Variants in SLC14A2 observed in about 807,000 individuals in gnomAD.
SLC14A2 encodes urea transporter 2.
A neutral mutation model predicts 104.6 loss-of-function variants in SLC14A2; 91 were observed. The observed-to-expected ratio is 0.87, with a 90% CI of 0.73 to 1.04. SLC14A2 has a LOEUF of 1.04. Among genes scored for constraint, SLC14A2 ranks in the 50% least tolerant of loss-of-function variants. The pLI is 0.00. For synonymous variants in SLC14A2, 476 were observed against 466.4 expected, an observed-to-expected ratio of 1.02 and a Z score of -0.27; for missense variants, 1,189 against 1,156.0, an observed-to-expected ratio of 1.03 and a Z score of -0.41.
chr18:45,470,722 C>G (rs1173284484), intron 1 of SLC14A2, among the ~76,000 whole-genome samples: 2 of 152,060 alleles, frequency 1.3e-5, no homozygotes, highest in African/African-American at 4.8e-5. Flanking sequence ...TCTTCTGTAG[C>G]CTCTCATTTT....
intron 2 of SLC14A2, among the ~76,000 whole-genome samples, chr18:45,605,250 C>A (rs1408329114): frequency 6.6e-6 from 1 of 152,132 alleles, no homozygotes; most frequent in African/African-American, 2.4e-5. Context: ...TCCTTCTTAA[C>A]CTCTGAATAA....
chr18:45,197,227 T>C, the SLC14A2 span, among the ~76,000 whole-genome samples: 11 of 152,350 alleles, frequency 7.2e-5, no homozygotes, highest in East Asian at 9.6e-4. Context: ...TCTAAATACA[T>C]AATTATATTT....
chr18:45,295,437 G>T (rs1599651500), intron 1 of SLC14A2, among the ~76,000 whole-genome samples: 1 of 152,014 alleles, frequency 6.6e-6, no homozygotes, highest in Non-Finnish European at 1.5e-5. Context: ...TTGTCATATG[G>T]CTGCCCAAGG....
At position 45,542,844 on chromosome 18, in the gene SLC14A2, G is replaced by T. The variant is rs372256535; in HGVS notation, c.-35+59522G>T. On this transcript the variant is annotated intron_variant, in intron 2 of 20. Coordinates refer to the SLC14A2 transcript ENST00000586448. ...CACTACCCTCAAGGAGTTGGATGTGGCCTCTTATCCCTGGGCTGTTATTTA... is the reference window on the plus strand; with the variant it reads ...CACTACCCTCAAGGAGTTGGATGTGTCCTCTTATCCCTGGGCTGTTATTTA... Among the ~76,000 whole-genome samples the T allele has an allele frequency of 3.9e-5, 6 of 152,018 alleles. No individual in the cohort carries two copies. In the South Asian group the frequency reaches 1.3e-3, roughly 32 times the overall value.
In SLC14A2 at chr18:45,423,361, C is replaced by T. The variant is rs978185959; in HGVS notation, c.-124-59872C>T. ...AGAAATCTCTGCGACAGTTTGACAGCGAGTTCATAGTCCTGTCCTGGGGAG... is the reference window on the plus strand; with the variant it reads ...AGAAATCTCTGCGACAGTTTGACAGTGAGTTCATAGTCCTGTCCTGGGGAG... On this transcript the variant is annotated intron_variant, in intron 1 of 20. Transcript: ENST00000586448. Among the ~76,000 whole-genome samples, 7 of 152,200 alleles carry T rather than the reference C, an allele frequency of 4.6e-5. No individual in the cohort carries two copies. In the South Asian group the frequency reaches 6.2e-4, roughly 14 times the overall value.
intron 1 of SLC14A2, among the ~76,000 whole-genome samples, chr18:45,242,150 T>G (rs2084324399): frequency 6.6e-6 from 1 of 152,128 alleles, no homozygotes; most frequent in African/African-American, 2.4e-5. Flanking sequence ...GAATAATTCC[T>G]GGGGGTTTGG....
At chr18:45,682,112 TG>T (rs2046318278) in intron 19 of SLC14A2, among the ~76,000 whole-genome samples, 1 of 152,222 alleles carries the variant, frequency 6.6e-6, no homozygotes, top group Non-Finnish European at 1.5e-5. Flanking sequence ...GGGTTCCCAG[TG>T]GCTGCATTTT....
chr18:45,668,240 T>C, intron 14 of SLC14A2, 109 bp from the exon 15 acceptor site: 1 of 1,442,618 alleles, frequency 6.9e-7, no homozygotes, highest in Non-Finnish European at 9.5e-7. Context: ...GGTGGTCTAT[T>C]TGAAGGCGTG....
At chr18:45,431,806 T>C (rs187106900) in intron 1 of SLC14A2, among the ~76,000 whole-genome samples, 1 of 152,294 alleles carries the variant, frequency 6.6e-6, no homozygotes, top group African/African-American at 2.4e-5. Context: ...AAGGGGCCCA[T>C]GGTAGCCAAT....
At chr18:45,280,335 G>A (rs1342073164) in intron 1 of SLC14A2, among the ~76,000 whole-genome samples, 1 of 152,152 alleles carries the variant, frequency 6.6e-6, no homozygotes, top group Non-Finnish European at 1.5e-5. Context: ...AGTTCAGACA[G>A]GAGAGATCAG....
intron 1 of SLC14A2, among the ~76,000 whole-genome samples, chr18:45,258,943 C>T (rs1019330972): frequency 2.6e-5 from 4 of 152,192 alleles, no homozygotes; most frequent in African/African-American, 7.2e-5. Context: ...CTCTACATCA[C>T]CTCAGAGAAG....
intron 1 of SLC14A2, among the ~76,000 whole-genome samples, chr18:45,266,172 C>G (rs1241427809): frequency 6.6e-6 from 1 of 152,072 alleles, no homozygotes; most frequent in Non-Finnish European, 1.5e-5. Context: ...TGCTGTGCAT[C>G]CTGAGGAGTG....
intron 2 of SLC14A2, among the ~76,000 whole-genome samples, chr18:45,588,773 T>C (rs2044605149): frequency 6.6e-6 from 1 of 152,174 alleles, no homozygotes; most frequent in African/African-American, 2.4e-5. Flanking sequence ...CCAGAGGTGG[T>C]TTAGCCTCAC....
chr18:45,650,495 T>A (rs1407669287), intron 10 of SLC14A2, among the ~76,000 whole-genome samples: 1 of 152,186 alleles, frequency 6.6e-6, no homozygotes, highest in Non-Finnish European at 1.5e-5. Flanking sequence ...GTCTGCCTCA[T>A]GGTCTAACCT....
intron 1 of SLC14A2, among the ~76,000 whole-genome samples, chr18:45,222,077 T>C (rs1392135820): frequency 6.6e-6 from 1 of 152,184 alleles, no homozygotes; most frequent in Non-Finnish European, 1.5e-5. Flanking sequence ...GTTCTCTTAA[T>C]AGAGTTTAAC....
chr18:45,443,283 A>T (rs547229791), intron 1 of SLC14A2, among the ~76,000 whole-genome samples: 1 of 152,322 alleles, frequency 6.6e-6, no homozygotes, highest in African/African-American at 2.4e-5. Flanking sequence ...CAAAATGAAG[A>T]CCCAAAGATG....
intron 1 of SLC14A2, among the ~76,000 whole-genome samples, chr18:45,451,267 G>C (rs1045088741): frequency 6.6e-6 from 1 of 152,050 alleles, no homozygotes; most frequent in African/African-American, 2.4e-5. Context: ...CTTGCTGAAA[G>C]CCTGTCCCTA....
the SLC14A2 span, among the ~76,000 whole-genome samples, chr18:45,194,016 A>G: frequency 6.7e-6 from 1 of 149,484 alleles, no homozygotes; most frequent in Non-Finnish European, 1.5e-5. Flanking sequence ...ATTATTTGGT[A>G]ATAGATAGAA....
intron 1 of SLC14A2, among the ~76,000 whole-genome samples, chr18:45,396,641 TC>T (rs2086035587): frequency 6.1e-5 from 9 of 148,328 alleles, no homozygotes; most frequent in East Asian, 1.9e-4. Flanking sequence ...TTGTTTTTTT[TC>T]TTTTTTCCCT....
Sources: allele counts gnomAD v4.1 joint callset (sites outside exome capture counted in the v4.1 genomes callset), GRCh38; gene constraint gnomAD v4.1.1; transcripts MANE v1.5; gene names NCBI Gene and HGNC (gene_info 2026-07-23, HGNC 2026-07-21).